The following PPP1R1C variants were observed in gnomAD, a reference collection of about 807,000 sequenced individuals.
The protein encoded by PPP1R1C is protein phosphatase 1 regulatory subunit 1C.
Under a neutral mutation model 17.4 loss-of-function variants are expected in PPP1R1C, and 15 were observed. The ratio of observed to expected loss-of-function variants is 0.86; its 90% CI spans 0.58 to 1.33. The LOEUF (loss-of-function observed/expected upper bound fraction) is 1.33. Among genes scored for constraint, PPP1R1C ranks in the 40% most tolerant of loss-of-function variants. PPP1R1C has a pLI of 0.00. For synonymous variants in PPP1R1C, 35 were observed against 43.1 expected (o/e 0.81, Z 0.73); for missense variants, 143 against 130.0 (o/e 1.10, Z -0.48).
At chr2:182,086,293 G>A (rs1018637025) in intron 4 of PPP1R1C, among the ~76,000 whole-genome samples, 4 of 151,972 alleles carry the variant, frequency 2.6e-5, no homozygotes, top group Non-Finnish European at 4.4e-5. Flanking sequence ...AAATGATTGT[G>A]TTCCCAAAAT....
intron 4 of PPP1R1C, among the ~76,000 whole-genome samples, chr2:182,078,022 T>A (rs1688365189): frequency 6.6e-6 from 1 of 151,848 alleles, no homozygotes; most frequent in Non-Finnish European, 1.5e-5. Flanking sequence ...TACTTGAAAA[T>A]GCAAAAAAAT....
chr2:182,124,344 T>A (rs558335534), intron 5 of PPP1R1C, among the ~76,000 whole-genome samples: 13 of 146,262 alleles, frequency 8.9e-5, no homozygotes, highest in African/African-American at 3.0e-4. Context: ...TTTTTGTTTT[T>A]TTTTTTTTGC....
At chr2:182,063,835 A>G (rs755460601) in intron 4 of PPP1R1C, 44 bp downstream of exon 4, 3 of 1,472,254 alleles carry the variant, frequency 2.0e-6, no homozygotes, top group Middle Eastern at 1.7e-4. Context: ...GTGGTGAATC[A>G]TGGCTGGTCG....
In PPP1R1C at chr2:181,957,336, G is replaced by A. The variant is rs776082628; in HGVS notation, n.111+2702G>A. On this transcript the variant is annotated intron_variant and non_coding_transcript_variant, in intron 1 of 5. Transcript: ENST00000464264. The surrounding 1 kb of genome is among the most constrained non-coding windows in gnomAD (Gnocchi z 4.2). ...AGCGCCACTGCACTTCAACCTGGGC[G>A]ACAGAGTGAGACTCTGTCTTAAAAA... Among the ~76,000 whole-genome samples, 26 of 152,056 alleles carry A rather than the reference G, an allele frequency of 1.7e-4. No individual in the cohort carries two copies. The highest frequency in any genetic ancestry group is 3.3e-4 in the Admixed American group (5 of 15,264).
At chr2:182,058,437 C>G (rs1253352626) in intron 2 of PPP1R1C, among the ~76,000 whole-genome samples, 2 of 152,056 alleles carry the variant, frequency 1.3e-5, no homozygotes, top group Non-Finnish European at 2.9e-5. Flanking sequence ...CCTTGGTCAC[C>G]TGGCAGAATT....
At position 181,957,938 on chromosome 2, in the gene PPP1R1C, G is replaced by T. The variant is rs937123150; in HGVS notation, n.111+3304G>T. On this transcript the variant is annotated intron_variant and non_coding_transcript_variant, in intron 1 of 5. Transcript: ENST00000464264. This position sits in a 1 kb window ranked among gnomAD's most constrained non-coding sequence, Gnocchi z 4.2. ...TGTGTACTCATTTAATTAATGGAAG[G>T]CTTCGAAGGCTTAATTCCTAAGAGG... Among the ~76,000 whole-genome samples the T allele has an allele frequency of 6.6e-6, 1 of 152,158 alleles. No homozygotes were observed. The highest frequency in any genetic ancestry group is 2.4e-5 in the African/African-American group (1 of 41,426).
At chr2:182,013,017 G>T (rs1453486259) in intron 2 of PPP1R1C, among the ~76,000 whole-genome samples, 1 of 151,826 alleles carries the variant, frequency 6.6e-6, no homozygotes, top group Non-Finnish European at 1.5e-5. Flanking sequence ...ATTTTTGATG[G>T]GTGCATCATT....
intron 2 of PPP1R1C, among the ~76,000 whole-genome samples, chr2:182,027,847 CTT>C (rs1686670697): frequency 7.2e-6 from 1 of 139,160 alleles, no homozygotes; most frequent in Non-Finnish European, 1.6e-5. Flanking sequence ...GTCCTGGACT[CTT>C]TTTGGTTGGT....
intron 4 of PPP1R1C, among the ~76,000 whole-genome samples, chr2:182,103,409 A>G (rs1388564647): frequency 1.3e-5 from 2 of 152,230 alleles, no homozygotes; most frequent in African/African-American, 4.8e-5. Context: ...TTTTGTAAAT[A>G]GGAAGAATTA....
intron 2 of PPP1R1C, among the ~76,000 whole-genome samples, chr2:182,034,934 C>G (rs1686957215): frequency 6.6e-6 from 1 of 152,216 alleles, no homozygotes. Flanking sequence ...CCTGTGGCTC[C>G]TTACACACCT....
rs144140367 is a variant in PPP1R1C, at chr2:182,087,348, C to T, written c.241+23557C>T. 7.0e-3 allele frequency among the ~76,000 whole-genome samples: 1,061 copies of T among 152,294 alleles called. 8 individuals carry two copies. The highest frequency in any genetic ancestry group is 0.014 in the Middle Eastern group (4 of 294). ...TTGCTCTGCCTGAAGCACCTGGCTT[C>T]TTTGTTGTTCCTTAAAAATGCCAGT... is the stretch of plus-strand genomic sequence containing the variant. On this transcript the variant is annotated intron_variant, in intron 4 of 4. Transcript: ENST00000682840.
chr2:181,977,132 TAAAAAAAAAAAAAAAAAAAAAAAAAAAAA>T (rs67129466), intron 2 of PPP1R1C, among the ~76,000 whole-genome samples: 8 of 19,850 alleles, frequency 4.0e-4, no homozygotes, highest in African/African-American at 4.8e-4. Context: ...AGAATCTATC[TAAAAAAAAAAAAAAAAAAAAAAAAAAAAA>T]AAAAAAAAAA....
chr2:181,973,276 A>G (rs1465607122), intron 1 of PPP1R1C, among the ~76,000 whole-genome samples: 1 of 152,042 alleles, frequency 6.6e-6, no homozygotes, highest in Admixed American at 6.5e-5. Context: ...TAATCAGAAA[A>G]TTATTTTATT....
chr2:182,103,619 T>C (rs531736056), intron 4 of PPP1R1C: 3 of 152,324 alleles, frequency 2.0e-5, no homozygotes, highest in African/African-American at 7.2e-5. Context: ...AAACTGCCTG[T>C]GAACAAGAAT....
chr2:182,046,887 A>G (rs1376836393), intron 2 of PPP1R1C, among the ~76,000 whole-genome samples: 1 of 152,194 alleles, frequency 6.6e-6, no homozygotes, highest in Admixed American at 6.5e-5. Context: ...AATCTGTTAC[A>G]TGTGCTCTGG....
chr2:182,092,095 A>T (rs1408269691), intron 4 of PPP1R1C, among the ~76,000 whole-genome samples: 2 of 152,198 alleles, frequency 1.3e-5, no homozygotes, highest in African/African-American at 2.4e-5. Flanking sequence ...GGCTAGAGAG[A>T]GTGTATTAGT....
chr2:181,982,133 C>T (rs868232269), upstream of PPP1R1C, among the ~76,000 whole-genome samples: 12 of 152,212 alleles, frequency 7.9e-5, no homozygotes, highest in Non-Finnish European at 1.2e-4. Flanking sequence ...CTCCACCCCT[C>T]TCCTCTCTTC....
intron 1 of PPP1R1C, among the ~76,000 whole-genome samples, chr2:181,971,551 A>C (rs1416171385): frequency 2.0e-5 from 3 of 151,710 alleles, no homozygotes; most frequent in Admixed American, 2.0e-4. Flanking sequence ...TGGCACAAGC[A>C]CTCCCTTGGC....
At chr2:182,015,982 A>G (rs1192126750) in intron 2 of PPP1R1C, among the ~76,000 whole-genome samples, 5 of 152,112 alleles carry the variant, frequency 3.3e-5, no homozygotes, top group African/African-American at 4.8e-5. Context: ...CCAGCACAGC[A>G]CTAGGACTTG....
Sources: allele counts gnomAD v4.1 joint callset (sites outside exome capture counted in the v4.1 genomes callset), GRCh38; gene constraint gnomAD v4.1.1; non-coding constraint Gnocchi (gnomAD v3.1); transcripts MANE v1.5; gene names NCBI Gene and HGNC (gene_info 2026-07-23, HGNC 2026-07-21).